Variants in MS4A4E observed in about 807,000 individuals in gnomAD.
MS4A4E encodes the protein putative membrane-spanning 4-domains subfamily A member 4E.
Under a neutral mutation model 13.3 loss-of-function variants are expected in MS4A4E, and 23 were observed. The observed-to-expected ratio is 1.73, with a 90% CI of 1.25 to 2.45. MS4A4E has a LOEUF of 2.45. Among genes scored for constraint, MS4A4E ranks in the 30% most tolerant of loss-of-function variants. The pLI, the probability that MS4A4E is intolerant of heterozygous loss-of-function variation, is 0.00. For missense variants in MS4A4E, 144 were observed against 131.2 expected, an observed-to-expected ratio of 1.10 and a Z score of -0.48; for synonymous variants, 36 against 45.6, an observed-to-expected ratio of 0.79 and a Z score of 0.85.
In MS4A4E at chr11:60,222,838, C is replaced by T. The variant is rs117833496; in HGVS notation, c.178+5756G>A. Among the ~76,000 whole-genome samples, 953 of 152,278 alleles carry T rather than the reference C, an allele frequency of 6.3e-3. 3 individuals carry two copies. The highest frequency in any genetic ancestry group is 9.9e-3 in the Non-Finnish European group (673 of 68,020). On this transcript the variant is annotated intron_variant, in intron 3 of 8. Coordinates refer to ENST00000651255, the MANE Select transcript of MS4A4E (RefSeq NM_001393391.1). ...GGAGTTACAGTGTTGGCTAGGGTGA[C>T]TGACCTGGACTATCAAGATAAAATT...
At chr11:60,209,330 T>A (rs764683618) in intron 5 of MS4A4E, among the ~76,000 whole-genome samples, 1 of 152,190 alleles carries the variant, frequency 6.6e-6, no homozygotes, top group Non-Finnish European at 1.5e-5. Flanking sequence ...AGATGCTGCA[T>A]TGCTTGATTT....
At chr11:60,221,489 G>A (rs2084269670) in intron 3 of MS4A4E, among the ~76,000 whole-genome samples, 1 of 152,232 alleles carries the variant, frequency 6.6e-6, no homozygotes, top group South Asian at 2.1e-4. Context: ...CCTGTTTACA[G>A]ATGGCTCTGC....
Position 60,205,822 on chromosome 11 carries a change from T to G in MS4A4E, c.484-2A>C, listed in dbSNP as rs2084031837. Among the ~76,000 whole-genome samples the G allele has an allele frequency of 6.6e-6, 1 of 152,200 alleles. No homozygotes were observed. Among genetic ancestry groups the G allele is most frequent in the South Asian group, 2.1e-4 (1 of 4,832 alleles). On this transcript the variant is annotated splice_acceptor_variant, in intron 6 of 8. Coordinates refer to ENST00000651255, the MANE Select transcript of MS4A4E (RefSeq NM_001393391.1). LOFTEE classifies it high-confidence loss of function. ...ATTGCTTCTAATTTTATTTTTGCTC[T>G]GCAATAAAAAAGCAAATGTAATTAA...
chr11:60,237,314 T>C (rs2084495712), intron 1 of MS4A4E, among the ~76,000 whole-genome samples: 1 of 152,212 alleles, frequency 6.6e-6, no homozygotes, highest in South Asian at 2.1e-4. Flanking sequence ...TTTCATGGTG[T>C]ATATATACCA....
At chr11:60,242,363 C>A (rs1245676848) in intron 1 of MS4A4E, among the ~76,000 whole-genome samples, 1 of 152,178 alleles carries the variant, frequency 6.6e-6, no homozygotes, top group Non-Finnish European at 1.5e-5. Flanking sequence ...AGATGTTTTT[C>A]ATTTGCAGAT....
rs1236544763 is a variant in MS4A4E, at chr11:60,201,128, C to G, written c.*415G>C. ...GCCGGGCGGGGTCTGACCCCCCCACCTCCCTCCCGGACGGAGCGGCTGGCC... is the reference window on the plus strand; with the variant it reads ...GCCGGGCGGGGTCTGACCCCCCCACGTCCCTCCCGGACGGAGCGGCTGGCC... On this transcript the variant is annotated 3_prime_UTR_variant, in exon 9 of 9. Coordinates refer to ENST00000651255, the MANE Select transcript of MS4A4E (RefSeq NM_001393391.1). 1 of 149,836 alleles carries G rather than the reference C, an allele frequency of 6.7e-6. No homozygotes were observed. Among genetic ancestry groups the G allele is most frequent in the Non-Finnish European group, 1.4e-5 (1 of 69,026 alleles). The allele number at this position is 149,836 out of a possible 1,614,324, so 9.3% of individuals were successfully genotyped here. A position where few individuals can be genotyped will look rare whatever the true frequency, so the allele number is the denominator to read the frequency against.
chr11:60,225,634 A>T (rs2084331252), intron 3 of MS4A4E, among the ~76,000 whole-genome samples: 2 of 152,168 alleles, frequency 1.3e-5, no homozygotes, highest in African/African-American at 4.8e-5. Context: ...AACTTATCAA[A>T]ATTTATGGGA....
chr11:60,221,963 G>T (rs1308722171), intron 3 of MS4A4E, among the ~76,000 whole-genome samples: 1 of 152,144 alleles, frequency 6.6e-6, no homozygotes, highest in Non-Finnish European at 1.5e-5. Context: ...TGAACGAAGT[G>T]GCCATGGTGG....
chr11:60,222,105 G>A (rs552186368), intron 3 of MS4A4E, among the ~76,000 whole-genome samples: 27 of 152,294 alleles, frequency 1.8e-4, no homozygotes, highest in South Asian at 4.1e-4. Context: ...ACCATTCCTC[G>A]GAATGATCAG....
At chr11:60,232,105 C>T (rs1489387075) in intron 1 of MS4A4E, among the ~76,000 whole-genome samples, 1 of 151,642 alleles carries the variant, frequency 6.6e-6, no homozygotes, top group Non-Finnish European at 1.5e-5. Context: ...TAGAATTAGT[C>T]AACTGGAAAA....
At chr11:60,214,489 A>G in intron 4 of MS4A4E, 82 bp downstream of exon 4, 1 of 1,039,042 alleles carries the variant, frequency 9.6e-7, no homozygotes, top group Non-Finnish European at 1.3e-6. Flanking sequence ...AAAACAAACA[A>G]ACAAAACCTG....
chr11:60,201,649 C>T lies in MS4A4E; in HGVS notation c.890G>A (p.Arg297His), dbSNP rs559654852. 103 of 301,666 alleles carry T rather than the reference C, an allele frequency of 3.4e-4. No homozygotes were observed. Among genetic ancestry groups the T allele is most frequent in the Middle Eastern group, 2.2e-3 (2 of 902 alleles). 18.7% of individuals were successfully genotyped at this position (301,666 alleles called of 1,614,324 possible). Residue 297 changes from arginine (R) to histidine (H), a missense_variant, in exon 9 of 9, where the codon CGT becomes CAT. Around this residue, in one of 3 missense-constraint regions of MS4A4E, gnomAD observed 21 missense variants for 25.1 expected, o/e 0.84. Coordinates refer to ENST00000651255, the MANE Select transcript of MS4A4E (RefSeq NM_001393391.1). ...AWLPSLESEE[R>H]LCPAAIPSRK... ...AGATGGGATGGCAGCCGGGCAGAGACGCTCCTCACTTTCCAGACTGGGCAG... is the reference window on the plus strand; with the variant it reads ...AGATGGGATGGCAGCCGGGCAGAGATGCTCCTCACTTTCCAGACTGGGCAG...
At chr11:60,203,631 C>G (rs1181110143) in intron 8 of MS4A4E, among the ~76,000 whole-genome samples, 5 of 152,058 alleles carry the variant, frequency 3.3e-5, no homozygotes, top group African/African-American at 1.2e-4. Context: ...TGCCTGTAAG[C>G]CCAGCTACTT....
intron 3 of MS4A4E, among the ~76,000 whole-genome samples, chr11:60,227,678 A>G (rs1385900191): frequency 6.6e-6 from 1 of 152,160 alleles, no homozygotes; most frequent in Non-Finnish European, 1.5e-5. Flanking sequence ...TTTAGGAGTA[A>G]CACTACCCAT....
intron 5 of MS4A4E, among the ~76,000 whole-genome samples, chr11:60,210,719 G>T (rs1309122057): frequency 6.6e-6 from 1 of 151,876 alleles, no homozygotes; most frequent in Non-Finnish European, 1.5e-5. Context: ...CCCTGTGATG[G>T]GGCATACACT....
At chr11:60,239,766 T>C (rs1179014144) in intron 1 of MS4A4E, among the ~76,000 whole-genome samples, 6 of 152,286 alleles carry the variant, frequency 3.9e-5, no homozygotes, top group Admixed American at 6.5e-5. Flanking sequence ...GTAGGTATAA[T>C]CAAACCTATA....
At chr11:60,216,486 C>T (rs111821408) in intron 3 of MS4A4E, among the ~76,000 whole-genome samples, 59 of 152,144 alleles carry the variant, frequency 3.9e-4, no homozygotes, top group African/African-American at 1.3e-3. Context: ...GAAATCCTCC[C>T]TCAAAAGTTT....
chr11:60,220,519 C>T (rs1034146343), intron 3 of MS4A4E, among the ~76,000 whole-genome samples: 5 of 152,150 alleles, frequency 3.3e-5, no homozygotes, highest in African/African-American at 1.2e-4. Flanking sequence ...TCAGGGAGAT[C>T]TTGATCACTT....
chr11:60,225,705 T>C (rs926648080), intron 3 of MS4A4E, among the ~76,000 whole-genome samples: 9 of 151,716 alleles, frequency 5.9e-5, no homozygotes, highest in Non-Finnish European at 8.8e-5. Context: ...TAGAAAATAA[T>C]GATCAAAATC....
Sources: allele counts gnomAD v4.1 joint callset (sites outside exome capture counted in the v4.1 genomes callset), GRCh38; gene constraint gnomAD v4.1.1; regional missense constraint gnomAD v4.1.1; transcripts MANE v1.5; gene names NCBI Gene and HGNC (gene_info 2026-07-23, HGNC 2026-07-21).